The following ABCB8 variants were observed in gnomAD, a reference collection of about 807,000 sequenced individuals.
The protein encoded by ABCB8 is mitochondrial potassium channel ATP-binding subunit.
A neutral mutation model predicts 73.0 loss-of-function variants in ABCB8; 52 were observed. The ratio of observed to expected loss-of-function variants is 0.71; its 90% CI spans 0.57 to 0.90. The LOEUF (loss-of-function observed/expected upper bound fraction) is 0.90. Among genes scored for constraint, ABCB8 ranks in the 40% least tolerant of loss-of-function variants. The pLI, the probability that ABCB8 is intolerant of heterozygous loss-of-function variation, is 0.00. For synonymous variants in ABCB8, 428 were observed against 423.5 expected, an observed-to-expected ratio of 1.01 and a Z score of -0.13; for missense variants, 909 against 974.6, an observed-to-expected ratio of 0.93 and a Z score of 0.90.
intron 14 of ABCB8, among the ~76,000 whole-genome samples, chr7:151,042,936 C>G (rs1368626919): frequency 6.6e-6 from 1 of 152,240 alleles, no homozygotes; most frequent in African/African-American, 2.4e-5. Flanking sequence ...TTGGGTGGCA[C>G]TTTCCTTGTG....
intron 9 of ABCB8, 198 bp downstream of exon 9, chr7:151,036,847 T>G (rs1229583868): frequency 1.3e-6 from 1 of 758,402 alleles, no homozygotes; most frequent in Non-Finnish European, 2.4e-6. Flanking sequence ...GCTGGGGCAG[T>G]GGCGCTGCAG....
rs747764610 is a variant in ABCB8 at position 151,034,281 on chromosome 7, G to T, written c.417G>T (p.Leu139Phe). Residue 139 changes from leucine (L) to phenylalanine (F), a missense_variant, in exon 3 of 16, where the codon TTG becomes TTT. Leu to Phe is a conservative substitution (Grantham distance 22, BLOSUM62 0). Coordinates refer to ENST00000358849, the MANE Select transcript of ABCB8 (RefSeq NM_007188.5). ...LVLGVAVVLALGAALVNVQIP... is the reference protein window; with the variant it reads ...LVLGVAVVLAFGAALVNVQIP... ...CTGTCTCCCCATTCCAGCTGGCCTTGGGTGCGGCACTCGTGAATGTACAGA... is the reference window on the plus strand; with the variant it reads ...CTGTCTCCCCATTCCAGCTGGCCTTTGGTGCGGCACTCGTGAATGTACAGA... 6.2e-7 allele frequency: 1 copy of T among 1,612,160 alleles called. No homozygotes were observed. The highest frequency in any genetic ancestry group is 1.1e-5 in the South Asian group (1 of 90,958).
In ABCB8 at chr7:151,032,504, G is replaced by T. The variant is rs532219917; in HGVS notation, c.96-1101G>T. ...AGGTCAGGAGTTCAAGACCAGCCTG[G>T]CCAATAAAGCGAAACCCCATCTCTA... On this transcript the variant is annotated intron_variant, in intron 1 of 15. Transcript: ENST00000358849. Among the ~76,000 whole-genome samples, 12 of 152,228 alleles carry T rather than the reference G, an allele frequency of 7.9e-5. No individual in the cohort carries two copies. The South Asian group carries it at 2.5e-3, about 32-fold the overall frequency.
Position 151,045,423 on chromosome 7 carries a change from G to A in ABCB8, c.*74G>A. On this transcript the variant is annotated 3_prime_UTR_variant, in exon 16 of 16. Transcript: ENST00000358849. ...GGGGCTCAGCCTGGGGGAGCCTACT[G>A]GGGACTGAGCCCCCAGGAGGGCCAG... The A allele has an allele frequency of 1.5e-5, 21 of 1,387,662 alleles. No individual in the cohort carries two copies. Among genetic ancestry groups the A allele is most frequent in the Non-Finnish European group, 2.0e-5 (21 of 1,065,032 alleles). The allele number at this position is 1,387,662 out of a possible 1,614,324, so 86.0% of individuals were successfully genotyped here.
At chr7:151,041,004 G>C (rs1563301196) in intron 12 of ABCB8, 82 bp downstream of exon 12, 2 of 1,608,620 alleles carry the variant, frequency 1.2e-6, no homozygotes, top group Non-Finnish European at 1.7e-6. Context: ...GTGAGCCCCC[G>C]GTGGGGTCCC....
chr7:151,034,401 C>T lies in ABCB8; in HGVS notation c.537C>T (p.Thr179=), dbSNP rs1474158010. The change falls in exon 3 of 16, where the codon ACC becomes ACT. Residue 179 remains threonine (T), a synonymous_variant. Transcript: ENST00000358849. ...TGACTGAGTCCCAGAATCTCAGCAC[C>T]CACCTGCTTATCCTCTATGGTGTCC... ...SFMTESQNLS[T]HLLILYGVQG... 4 of 1,614,014 alleles carry T rather than the reference C, an allele frequency of 2.5e-6. No homozygotes were observed. The East Asian group carries it at 6.7e-5, about 27-fold the overall frequency.
At position 151,034,764 on chromosome 7, in the gene ABCB8, C is replaced by T; in HGVS notation, c.700C>T (p.Leu234=). ...CTTTGACGCCAATAAGACAGGGCAG[C>T]TGGTGAGCCGCTTGACAACTGACGT... ...TFFDANKTGQ[L]VSRLTTDVQE... The change falls in exon 5 of 16, where the codon CTG becomes TTG. Residue 234 remains leucine (L), a synonymous_variant. Coordinates refer to ENST00000358849, the MANE Select transcript of ABCB8 (RefSeq NM_007188.5). 1 of 1,614,134 alleles carries T rather than the reference C, an allele frequency of 6.2e-7. No individual in the cohort carries two copies. The highest frequency in any genetic ancestry group is 2.2e-5 in the East Asian group (1 of 44,888).
intron 10 of ABCB8, 95 bp from the exon 11 acceptor site, chr7:151,040,403 G>C: frequency 6.3e-7 from 1 of 1,584,002 alleles, no homozygotes; most frequent in Non-Finnish European, 8.6e-7. Context: ...CAGAGGAGCT[G>C]GGGAGACCCC....
At position 151,035,008 on chromosome 7, in the gene ABCB8, A is replaced by C. The variant is rs1796265172; in HGVS notation, c.765+179A>C. The stretch of plus-strand genomic sequence containing the variant: ...ATGGAAGTTCATGGAAGGAAAGTGT[A>C]GAGGCAGTGTCCAAGGTCAGGACAG... On this transcript the variant is annotated intron_variant, in intron 5 of 15. Coordinates refer to ENST00000358849, the MANE Select transcript of ABCB8 (RefSeq NM_007188.5). 2.0e-5 allele frequency among the ~76,000 whole-genome samples: 3 copies of C among 152,242 alleles called. No individual in the cohort carries two copies. The South Asian group carries it at 6.2e-4, about 31-fold the overall frequency.
In ABCB8 at chr7:151,028,515, C is replaced by G. The variant is rs1191096105; in HGVS notation, c.-1C>G. 5.0e-6 allele frequency: 8 copies of G among 1,612,788 alleles called. No homozygotes were observed. Among genetic ancestry groups the G allele is most frequent in the Admixed American group, 1.7e-5 (1 of 59,814 alleles). ...GGCGGCTCCTGTTTTACCGCGTCAG[C>G]ATGCTGGTGCATTTATTTCGGGTCG... is the stretch of plus-strand genomic sequence containing the variant. On this transcript the variant is annotated 5_prime_UTR_variant, in exon 1 of 16. Coordinates refer to ENST00000358849, the MANE Select transcript of ABCB8 (RefSeq NM_007188.5).
At chr7:151,030,218 T>C (rs1224893968) in intron 1 of ABCB8, among the ~76,000 whole-genome samples, 2 of 152,252 alleles carry the variant, frequency 1.3e-5, no homozygotes, top group Non-Finnish European at 2.9e-5. Context: ...GTCAGGACCA[T>C]TTAAAAGTAA....
At position 151,036,536 on chromosome 7, in the gene ABCB8, T is replaced by A; in HGVS notation, c.1112-8T>A. The A allele has an allele frequency of 6.2e-7, 1 of 1,612,526 alleles. No individual in the cohort carries two copies. Among genetic ancestry groups the A allele is most frequent in the Non-Finnish European group, 8.5e-7 (1 of 1,178,598 alleles). On this transcript the variant is annotated splice_polypyrimidine_tract_variant and splice_region_variant and intron_variant, in intron 8 of 15. Transcript: ENST00000358849. ...GCTTCGTCCTCCCTCACTTCCCCTC[T>A]CCTGCAGGCATGGTCTTGGGTACCC...
At chr7:151,040,982 A>C in intron 12 of ABCB8, 60 bp downstream of exon 12, 1 of 1,605,900 alleles carries the variant, frequency 6.2e-7, no homozygotes, top group Non-Finnish European at 8.5e-7. Context: ...ACTCAGAGCA[A>C]GGCCGGGAGC....
rs768584760 is a variant in ABCB8 at position 151,040,311 on chromosome 7, C to T, written c.1251+10C>T. On this transcript the variant is annotated intron_variant, in intron 10 of 15. Transcript: ENST00000358849. ...TGTCCTGTTTGGGCAGGTGAGTGGC[C>T]GGTAGGGTGGAGGGCCTGGGGTGTG... 8.7e-6 allele frequency: 14 copies of T among 1,612,520 alleles called. No individual in the cohort carries two copies. The highest frequency in any genetic ancestry group is 5.3e-5 in the African/African-American group (4 of 74,786).
Position 151,036,052 on chromosome 7 carries a change from T to C in ABCB8, c.1014-21T>C, listed in dbSNP as rs543912073. On this transcript the variant is annotated intron_variant, in intron 7 of 15. Transcript: ENST00000358849. ...CGTGCCAGCCCAGCTGCCTCCTGAA[T>C]GCACTGGTCTCTCTCACCAGGCGCT... 333 of 1,613,074 alleles carry C rather than the reference T, an allele frequency of 2.1e-4. 4 individuals are homozygous for C. The South Asian group carries it at 3.4e-3, about 17-fold the overall frequency.
chr7:151,040,495 C>G lies in ABCB8; in HGVS notation c.1252-3C>G. 6.2e-7 allele frequency: 1 copy of G among 1,608,388 alleles called. No homozygotes were observed. Among genetic ancestry groups the G allele is most frequent in the Non-Finnish European group, 8.5e-7 (1 of 1,176,352 alleles). On this transcript the variant is annotated splice_region_variant and splice_polypyrimidine_tract_variant and intron_variant, in intron 10 of 15. Coordinates refer to ENST00000358849, the MANE Select transcript of ABCB8 (RefSeq NM_007188.5). ...CCTGCGGACTTTGGATCCCCTCCCA[C>G]AGGTGGTCCGGGGGCTGAGTGCAGG...
rs767172962 is a variant in ABCB8 at position 151,033,917 on chromosome 7, G to T, written c.408G>T (p.Val136=). Reference sequence around the variant, plus strand: ...TGCTGGTCCTGGGGGTAGCCGTCGTGGTGAGGCTTTCCCCACTTCTCCATC... The same window carrying T: ...TGCTGGTCCTGGGGGTAGCCGTCGTTGTGAGGCTTTCCCCACTTCTCCATC... ...PHLLVLGVAV[V]LALGAALVNV... is the part of the protein sequence containing the mutation. The change falls in exon 2 of 16, where the codon GTG becomes GTT. Residue 136 remains valine, a splice_region_variant and synonymous_variant. Transcript: ENST00000358849. The T allele has an allele frequency of 1.3e-6, 2 of 1,584,606 alleles. No individual in the cohort carries two copies. Among genetic ancestry groups the T allele is most frequent in the Admixed American group, 1.7e-5 (1 of 58,226 alleles).
In ABCB8 at chr7:151,047,178, T is replaced by A. The variant is rs1213428887; in HGVS notation, c.*1829T>A. On this transcript the variant is annotated 3_prime_UTR_variant, in exon 16 of 16. Transcript: ENST00000358849. ...AAATGCCTCTGACACCAGATTTATA[T>A]CTTCTGGGCGGCTTCTTTAAATCCA... 1 of 152,198 alleles carries A rather than the reference T, an allele frequency of 6.6e-6. No homozygotes were observed. Among genetic ancestry groups the A allele is most frequent in the Non-Finnish European group, 1.5e-5 (1 of 68,048 alleles). The allele number at this position is 152,198 out of a possible 1,614,324, so 9.4% of individuals were successfully genotyped here.
intron 14 of ABCB8, among the ~76,000 whole-genome samples, chr7:151,043,166 G>T (rs1796513708): frequency 6.6e-6 from 1 of 152,242 alleles, no homozygotes; most frequent in South Asian, 2.1e-4. Flanking sequence ...CGGGAGGCTG[G>T]GAAGGTGGCT....
Sources: gnomAD v4.1 joint callset for allele counts (sites outside exome capture counted in the v4.1 genomes callset) on GRCh38, gnomAD v4.1.1 for gene constraint, MANE v1.5 for transcripts, NCBI Gene and HGNC (gene_info 2026-07-23, HGNC 2026-07-21) for gene names.